The following KDM4A variants were observed in gnomAD, a reference collection of about 807,000 sequenced individuals.
KDM4A encodes lysine-specific demethylase 4A.
In KDM4A, 23 loss-of-function variants were observed where a neutral mutation model predicts 127.1. The ratio of observed to expected loss-of-function variants is 0.18; its 90% CI spans 0.13 to 0.26. The LOEUF is 0.26. Ranked by LOEUF, KDM4A falls within the 10% of genes least tolerant of loss-of-function variation. KDM4A has a pLI of 1.00. For synonymous variants in KDM4A, 443 were observed against 466.5 expected (o/e 0.95, Z 0.65); for missense variants, 890 against 1,329.1 (o/e 0.67, Z 5.14).
chr1:43,697,279 T>G (rs1175941385), intron 18 of KDM4A, among the ~76,000 whole-genome samples: 1 of 152,234 alleles, frequency 6.6e-6, no homozygotes, highest in African/African-American at 2.4e-5. Flanking sequence ...TGATCCTGTT[T>G]GCATCAAGGG....
intron 11 of KDM4A, among the ~76,000 whole-genome samples, chr1:43,680,278 G>A (rs923208135): frequency 2.0e-5 from 3 of 152,122 alleles, no homozygotes; most frequent in Admixed American, 6.5e-5. Context: ...TAGAGATCAC[G>A]TCTTGTTTTT....
At chr1:43,656,391 G>T (rs1306232629) in intron 3 of KDM4A, among the ~76,000 whole-genome samples, 1 of 127,834 alleles carries the variant, frequency 7.8e-6, no homozygotes, top group Non-Finnish European at 1.6e-5. Flanking sequence ...AGGCTGGAGT[G>T]CAGTGGAGTG....
intron 10 of KDM4A, among the ~76,000 whole-genome samples, chr1:43,670,417 T>G (rs1336089634): frequency 3.3e-5 from 5 of 152,168 alleles, no homozygotes; most frequent in Non-Finnish European, 7.3e-5. Context: ...TTTTGTTTGT[T>G]TTAGAAACGG....
intron 11 of KDM4A, among the ~76,000 whole-genome samples, chr1:43,677,291 G>A (rs955660558): frequency 7.4e-5 from 11 of 149,526 alleles, no homozygotes; most frequent in African/African-American, 2.7e-4. Flanking sequence ...GTTGCGCTGA[G>A]CTGGGATCTT....
rs1235003188 is a variant in KDM4A at position 43,704,222 on chromosome 1, T to C, written c.3055-8T>C. The C allele has an allele frequency of 6.2e-7, 1 of 1,613,934 alleles. No homozygotes were observed. The highest frequency in any genetic ancestry group is 8.5e-7 in the Non-Finnish European group (1 of 1,179,984). On this transcript the variant is annotated splice_polypyrimidine_tract_variant and splice_region_variant and intron_variant, in intron 21 of 21. Transcript: ENST00000372396. The stretch of plus-strand genomic sequence containing the variant: ...TAGCTGACACTTGGCTTGCTTATTC[T>C]TCTATAGTCAGTAGCCTCAGACATG...
rs1007104379 is a variant in KDM4A, at chr1:43,688,246, C to G, written c.1856-668C>G. ...AAATGTAAAAACAATTCTTAGCTTC[C>G]TCAGTGGGCTGGATTCAGCCTGCAG... On this transcript the variant is annotated intron_variant, in intron 12 of 21. Transcript: ENST00000372396. This position sits in a 1 kb window ranked among gnomAD's most constrained non-coding sequence, Gnocchi z 4.4. 4.6e-5 allele frequency among the ~76,000 whole-genome samples: 7 copies of G among 152,156 alleles called. No homozygotes were observed. The highest frequency in any genetic ancestry group is 1.7e-4 in the African/African-American group (7 of 41,436).
At chr1:43,687,282 T>C (rs1661009386) in intron 12 of KDM4A, among the ~76,000 whole-genome samples, 2 of 152,200 alleles carry the variant, frequency 1.3e-5, no homozygotes, top group African/African-American at 2.4e-5. Context: ...TAGAATACTA[T>C]CTGCACTGAG....
rs761446401 is a variant in KDM4A, at chr1:43,667,816, T to C, written c.960T>C (p.Phe320=). Residue 320 remains phenylalanine, a synonymous_variant, in exon 9 of 22, where the codon TTT becomes TTC. Transcript: ENST00000372396. ...KDMVKISMDV[F]VRKFQPERYK... ...TGGTGAAGATCTCCATGGATGTGTT[T>C]GTGAGAAAGTTCCAGCCAGAAAGGT... The C allele has an allele frequency of 1.2e-6, 2 of 1,613,660 alleles. No individual in the cohort carries two copies. Among genetic ancestry groups the C allele is most frequent in the South Asian group, 1.1e-5 (1 of 91,054 alleles).
chr1:43,691,168 G>A, intron 14 of KDM4A, 119 bp downstream of exon 14: 1 of 1,024,872 alleles, frequency 9.8e-7, no homozygotes, highest in East Asian at 2.4e-5. Flanking sequence ...TTATTGGGGA[G>A]TCTGTTGCTA....
At chr1:43,674,799 G>A (rs1049173504) in intron 11 of KDM4A, among the ~76,000 whole-genome samples, 11 of 152,174 alleles carry the variant, frequency 7.2e-5, no homozygotes, top group South Asian at 2.1e-4. Flanking sequence ...GTGAGCCATC[G>A]CGCCTGGCCT....
At chr1:43,692,514 C>G (rs1323390825) in intron 16 of KDM4A, among the ~76,000 whole-genome samples, 2 of 152,242 alleles carry the variant, frequency 1.3e-5, no homozygotes, top group Non-Finnish European at 2.9e-5. Context: ...CCAACTCCAG[C>G]TGCTCCTCTG....
In KDM4A at chr1:43,705,438, C is replaced by T. The variant is rs995532754; in HGVS notation, c.*1068C>T. The T allele has an allele frequency of 4.6e-5, 7 of 152,550 alleles. No individual in the cohort carries two copies. Among genetic ancestry groups the T allele is most frequent in the Admixed American group, 4.6e-4 (7 of 15,286 alleles). The allele number at this position is 152,550 out of a possible 1,614,324, so 9.4% of individuals were successfully genotyped here. On this transcript the variant is annotated 3_prime_UTR_variant, in exon 22 of 22. Coordinates refer to ENST00000372396, the MANE Select transcript of KDM4A (RefSeq NM_014663.3). Reference sequence around the variant, plus strand: ...TTATAATACTTCCCCTTTTTTGTTACGTATGAACACTATAAACCAAATTAT... The same window carrying T: ...TTATAATACTTCCCCTTTTTTGTTATGTATGAACACTATAAACCAAATTAT...
At position 43,692,251 on chromosome 1, in the gene KDM4A, G is replaced by C. The variant is rs761773292; in HGVS notation, c.2320-5G>C. Reference sequence around the variant, plus strand: ...CACTTTTTCCTCCCTCTCCTTTCTTGGCAGGACTGCTGTTTATGCTCATTA... The same window carrying C: ...CACTTTTTCCTCCCTCTCCTTTCTTCGCAGGACTGCTGTTTATGCTCATTA... On this transcript the variant is annotated splice_region_variant and splice_polypyrimidine_tract_variant and intron_variant, in intron 15 of 21. Coordinates refer to ENST00000372396, the MANE Select transcript of KDM4A (RefSeq NM_014663.3). 3.1e-6 allele frequency: 5 copies of C among 1,613,974 alleles called. No individual in the cohort carries two copies. Among genetic ancestry groups the C allele is most frequent in the Non-Finnish European group, 4.2e-6 (5 of 1,179,892 alleles).
intron 11 of KDM4A, among the ~76,000 whole-genome samples, chr1:43,681,776 T>G (rs1660864940): frequency 6.6e-6 from 1 of 152,202 alleles, no homozygotes; most frequent in South Asian, 2.1e-4. Context: ...ATGAACTTTG[T>G]TTTTATCTTA....
At chr1:43,698,686 C>T (rs1661304066) in intron 19 of KDM4A, among the ~76,000 whole-genome samples, 1 of 152,182 alleles carries the variant, frequency 6.6e-6, no homozygotes, top group South Asian at 2.1e-4. Context: ...ATGTTTATAC[C>T]ACATTAGCCA....
rs759400048 is a variant in KDM4A at position 43,666,518 on chromosome 1, C to T, written c.740C>T (p.Pro247Leu). The change falls in exon 7 of 22, where the codon CCG becomes CTG. Residue 247 changes from proline (P) to leucine (L), a missense_variant. Transcript: ENST00000372396. ...FLRHKMTLIS[P>L]LMLKKYGIPF... ...CGCCACAAGATGACCCTGATTTCCC[C>T]GTTAATGCTGAAGAAATATGGAATT... is the stretch of plus-strand genomic sequence containing the variant. The T allele has an allele frequency of 6.2e-7, 1 of 1,614,186 alleles. No homozygotes were observed. Among genetic ancestry groups the T allele is most frequent in the African/African-American group, 1.3e-5 (1 of 75,054 alleles).
chr1:43,691,670 C>T, intron 15 of KDM4A, 98 bp downstream of exon 15: 2 of 1,037,288 alleles, frequency 1.9e-6, no homozygotes, highest in Non-Finnish European at 3.0e-6. Context: ...CAGCAGTCTG[C>T]ATAGGGTCTG....
At position 43,690,964 on chromosome 1, in the gene KDM4A, C is replaced by T; in HGVS notation, c.2157C>T (p.Asp719=). ...TCACTTCGACTGGCTGCAGCACGGA[C>T]ATCAACCTTTCTACTCCTTATCTTG... ...MCFTSTGCST[D]INLSTPYLEE... The change falls in exon 14 of 22, where the codon GAC becomes GAT. Residue 719 remains aspartate, a synonymous_variant. Transcript: ENST00000372396. 1 of 1,614,232 alleles carries T rather than the reference C, an allele frequency of 6.2e-7. No individual in the cohort carries two copies. Among genetic ancestry groups the T allele is most frequent in the Non-Finnish European group, 8.5e-7 (1 of 1,180,048 alleles).
chr1:43,680,075 T>TC (rs1660824451), intron 11 of KDM4A, among the ~76,000 whole-genome samples: 1 of 152,130 alleles, frequency 6.6e-6, no homozygotes, highest in Non-Finnish European at 1.5e-5. Context: ...ACTGGAGCAA[T>TC]CCCAGGGAAG....
Sources: gnomAD v4.1 joint callset for allele counts (sites outside exome capture counted in the v4.1 genomes callset) on GRCh38, gnomAD v4.1.1 for gene constraint, Gnocchi (gnomAD v3.1) non-coding constraint, MANE v1.5 for transcripts, NCBI Gene and HGNC (gene_info 2026-07-23, HGNC 2026-07-21) for gene names.